Variants in PREX1 observed in about 807,000 individuals in gnomAD.
PREX1 encodes the protein phosphatidylinositol 3,4,5-trisphosphate-dependent Rac exchanger 1 protein.
Under a neutral mutation model 198.3 loss-of-function variants are expected in PREX1, and 41 were observed. That is an observed-to-expected ratio of 0.21 (90% CI 0.16 to 0.27). PREX1 has a LOEUF of 0.27. Ranked by LOEUF, PREX1 falls within the 10% of genes least tolerant of loss-of-function variation. The probability of loss-of-function intolerance (pLI) is 1.00; values close to 1 mark genes in which losing one functional copy is unlikely to be tolerated. For synonymous variants in PREX1, 843 were observed against 887.2 expected (o/e 0.95, Z 0.89); for missense variants, 1,620 against 2,200.7 (o/e 0.74, Z 5.28).
intron 26 of PREX1, 44 bp from the exon 27 acceptor site, chr20:48,644,541 G>C (rs760899982): frequency 2.5e-6 from 4 of 1,572,200 alleles, no homozygotes; most frequent in African/African-American, 1.4e-5. Context: ...CCTGAGCTCA[G>C]GCCATCTGGT....
chr20:48,626,818 T>A (rs926846334), intron 39 of PREX1, among the ~76,000 whole-genome samples: 11 of 152,238 alleles, frequency 7.2e-5, no homozygotes, highest in Non-Finnish European at 1.5e-4. Flanking sequence ...GGGAGTCACA[T>A]TATTTCAAAA....
chr20:48,690,050 G>T (rs1476975406), intron 9 of PREX1, among the ~76,000 whole-genome samples: 2 of 152,208 alleles, frequency 1.3e-5, no homozygotes, highest in African/African-American at 4.8e-5. Context: ...TGGGGCGAAG[G>T]GAGGAGCCAC....
chr20:48,843,744 G>A, the PREX1 span, among the ~76,000 whole-genome samples: 1 of 152,176 alleles, frequency 6.6e-6, no homozygotes, highest in African/African-American at 2.4e-5. Flanking sequence ...GTGAGGCATG[G>A]AGTTTGGACA....
chr20:48,708,646 T>C (rs527876995), intron 5 of PREX1, among the ~76,000 whole-genome samples: 3 of 152,210 alleles, frequency 2.0e-5, no homozygotes, highest in African/African-American at 4.8e-5. Flanking sequence ...GAGGGAAGCA[T>C]TGTTTCACAA....
In PREX1 at chr20:48,754,988, G is replaced by A. The variant is rs2090150656; in HGVS notation, c.220-7108C>T. Among the ~76,000 whole-genome samples, 4 of 152,050 alleles carry A rather than the reference G, an allele frequency of 2.6e-5. No homozygotes were observed. The South Asian group carries it at 8.3e-4, about 32-fold the overall frequency. On this transcript the variant is annotated intron_variant, in intron 1 of 39. Coordinates refer to ENST00000371941, the MANE Select transcript of PREX1 (RefSeq NM_020820.4). ...CCTATGCTCCATCCATCCAAGTTCT[G>A]GGTATTTATCCTACAGGGGAAAATA...
intron 3 of PREX1, among the ~76,000 whole-genome samples, chr20:48,742,736 C>G (rs1299074232): frequency 6.6e-6 from 1 of 152,160 alleles, no homozygotes; most frequent in Non-Finnish European, 1.5e-5. Context: ...CCCCAGCCCC[C>G]CAGCCCTCCG....
intron 1 of PREX1, among the ~76,000 whole-genome samples, chr20:48,811,727 C>T (rs1600530610): frequency 6.6e-6 from 1 of 152,306 alleles, no homozygotes; most frequent in East Asian, 1.9e-4. Flanking sequence ...CCTGGATACA[C>T]ACACACACCC....
chr20:48,828,843 T>C (rs538384545), upstream of PREX1, among the ~76,000 whole-genome samples: 3 of 152,352 alleles, frequency 2.0e-5, no homozygotes, highest in Admixed American at 2.0e-4. Flanking sequence ...GGATAAGGCC[T>C]TGGGAAACCC....
At chr20:48,702,497 GC>G (rs1228910361) in intron 6 of PREX1, among the ~76,000 whole-genome samples, 1 of 152,218 alleles carries the variant, frequency 6.6e-6, no homozygotes, top group African/African-American at 2.4e-5. Flanking sequence ...ACATCTCCCA[GC>G]CCCCCTTGTG....
chr20:48,754,929 C>A (rs2090150462), intron 1 of PREX1, among the ~76,000 whole-genome samples: 1 of 152,144 alleles, frequency 6.6e-6, no homozygotes. Context: ...GGGGAGCTCC[C>A]CAATTGCCCA....
At chr20:48,720,553 G>C (rs1300714124) in intron 5 of PREX1, among the ~76,000 whole-genome samples, 2 of 152,132 alleles carry the variant, frequency 1.3e-5, no homozygotes, top group Non-Finnish European at 2.9e-5. Flanking sequence ...TAAGAGAGTA[G>C]TATTCTACTG....
chr20:48,873,725 A>T, the PREX1 span, among the ~76,000 whole-genome samples: 2 of 152,096 alleles, frequency 1.3e-5, no homozygotes, highest in African/African-American at 2.4e-5. Context: ...TGTCTCAAAA[A>T]AAATAAATAA....
At chr20:48,775,026 T>C (rs1437948924) in intron 1 of PREX1, among the ~76,000 whole-genome samples, 1 of 152,150 alleles carries the variant, frequency 6.6e-6, no homozygotes, top group East Asian at 1.9e-4. Flanking sequence ...AGCCTCAGCT[T>C]TGGGGAAACA....
chr20:48,827,758 C>G lies in PREX1; in HGVS notation c.103G>C (p.Gly35Arg), dbSNP rs757522010. Residue 35 changes from glycine (G) to arginine (R), a missense_variant, in exon 1 of 40, where the codon GGC (glycine) becomes CGC (arginine). Around this residue, in one of 7 missense-constraint regions of PREX1, gnomAD observed 96 missense variants for 98.7 expected, o/e 0.97. Coordinates refer to ENST00000371941, the MANE Select transcript of PREX1 (RefSeq NM_020820.4). The surrounding 1 kb of genome is among the most constrained non-coding windows in gnomAD (Gnocchi z 4.1). ...PGAAAPSSGP[G>R]PCAAARESER... ...GACTCCCGGGCGGCCGCGCACGGGC[C>G]GGGGCCGGAGCTGGGCGCCGCGGCG... is the stretch of plus-strand genomic sequence containing the variant. The G allele has an allele frequency of 1.7e-6, 2 of 1,207,586 alleles. No homozygotes were observed. The highest frequency in any genetic ancestry group is 2.1e-6 in the Non-Finnish European group (2 of 962,156). The allele number at this position is 1,207,586 out of a possible 1,614,324, so 74.8% of individuals were successfully genotyped here. A position where few individuals can be genotyped will look rare whatever the true frequency, so the allele number is the denominator to read the frequency against.
chr20:48,850,264 G>A, the PREX1 span, among the ~76,000 whole-genome samples: 9 of 152,192 alleles, frequency 5.9e-5, no homozygotes, highest in African/African-American at 2.2e-4. Flanking sequence ...AGAGTAGAGA[G>A]TGACCCGGGG....
Position 48,684,793 on chromosome 20 carries a change from C to T in PREX1, c.1335-3458G>A, listed in dbSNP as rs919747307. On this transcript the variant is annotated intron_variant, in intron 10 of 39. Coordinates refer to ENST00000371941, the MANE Select transcript of PREX1 (RefSeq NM_020820.4). The surrounding 1 kb of genome is among the most constrained non-coding windows in gnomAD (Gnocchi z 4.2). Reference sequence around the variant, plus strand: ...ACTTTAACTGCTGAGGCCACATCTCCTGCCCCTCTGACCACTCAGGCTCCA... The same window carrying T: ...ACTTTAACTGCTGAGGCCACATCTCTTGCCCCTCTGACCACTCAGGCTCCA... Among the ~76,000 whole-genome samples the T allele has an allele frequency of 5.3e-5, 8 of 152,218 alleles. No homozygotes were observed. The highest frequency in any genetic ancestry group is 5.9e-5 in the Non-Finnish European group (4 of 68,042).
intron 14 of PREX1, among the ~76,000 whole-genome samples, chr20:48,675,776 C>T (rs1206471397): frequency 2.0e-5 from 3 of 152,192 alleles, no homozygotes; most frequent in Non-Finnish European, 4.4e-5. Context: ...TGGTGGCTCA[C>T]ACCTGTAATC....
intron 1 of PREX1, among the ~76,000 whole-genome samples, chr20:48,772,385 G>C: frequency 6.6e-6 from 1 of 152,294 alleles, no homozygotes; most frequent in South Asian, 2.1e-4. Flanking sequence ...CCTGTTTCTG[G>C]TGAATCAGGC....
chr20:48,780,689 G>A (rs955303792), intron 1 of PREX1, among the ~76,000 whole-genome samples: 1 of 152,144 alleles, frequency 6.6e-6, no homozygotes, highest in Admixed American at 6.6e-5. Context: ...AAAGTAGGAG[G>A]AGTGAAGGAA....
Sources: gnomAD v4.1 joint callset for allele counts (sites outside exome capture counted in the v4.1 genomes callset) on GRCh38, gnomAD v4.1.1 for gene constraint, gnomAD v4.1.1 regional missense constraint, Gnocchi (gnomAD v3.1) non-coding constraint, MANE v1.5 for transcripts, NCBI Gene and HGNC (gene_info 2026-07-23, HGNC 2026-07-21) for gene names.